Variants in WAC observed in about 807,000 individuals in gnomAD.
WAC encodes WW domain-containing adapter protein with coiled-coil.
A neutral mutation model predicts 79.6 loss-of-function variants in WAC; 11 were observed. That is an observed-to-expected ratio of 0.14 (90% confidence interval 0.09 to 0.23). The LOEUF (loss-of-function observed/expected upper bound fraction) is 0.23, where lower values mean the gene tolerates loss of function less well. WAC is among the 10% of genes least tolerant of loss of function. The pLI is 1.00. For missense variants in WAC, 728 were observed against 773.5 expected (o/e 0.94, Z 0.70); for synonymous variants, 304 against 276.9 (o/e 1.10, Z -0.97).
intron 3 of WAC, among the ~76,000 whole-genome samples, chr10:28,559,805 G>A (rs2132477701): frequency 6.6e-6 from 1 of 152,320 alleles, no homozygotes; most frequent in South Asian, 2.1e-4. Context: ...AGCGGGGAGT[G>A]AGACATGACT....
intron 3 of WAC, among the ~76,000 whole-genome samples, chr10:28,570,946 CTTTTTTTTTTT>C (rs139500035): frequency 6.0e-4 from 39 of 64,540 alleles, no homozygotes; most frequent in African/African-American, 1.9e-3. Flanking sequence ...TAAAGATATA[CTTTTTTTTTTT>C]TTTTTTTTTT....
intron 7 of WAC, among the ~76,000 whole-genome samples, chr10:28,600,833 C>T (rs1377403882): frequency 6.6e-6 from 1 of 151,504 alleles, no homozygotes; most frequent in Non-Finnish European, 1.5e-5. Flanking sequence ...ATTAAAGATA[C>T]ATAAAAAGAT....
chr10:28,576,435 A>G (rs1839249495), intron 3 of WAC, among the ~76,000 whole-genome samples: 1 of 152,240 alleles, frequency 6.6e-6, no homozygotes, highest in Non-Finnish European at 1.5e-5. Flanking sequence ...TTTGTGACAG[A>G]TATAAGGCAG....
At chr10:28,616,911 A>G (rs1265790201) in intron 12 of WAC, among the ~76,000 whole-genome samples, 2 of 152,164 alleles carry the variant, frequency 1.3e-5, no homozygotes, top group Admixed American at 6.5e-5. Context: ...GTGAAACCCC[A>G]TCTCTAACCA....
At chr10:28,609,926 C>CTTTT (rs35905966) in intron 8 of WAC, among the ~76,000 whole-genome samples, 40 of 115,666 alleles carry the variant, frequency 3.5e-4, no homozygotes, top group African/African-American at 1.2e-3. Flanking sequence ...TTCCTAAATA[C>CTTTT]TTTTTTTTTT....
intron 3 of WAC, among the ~76,000 whole-genome samples, chr10:28,551,796 G>A (rs1837686488): frequency 6.8e-6 from 1 of 147,138 alleles, no homozygotes; most frequent in African/African-American, 2.5e-5. Flanking sequence ...GTGTGTGTGT[G>A]TGTGTGTGTG....
chr10:28,548,334 T>G (rs1374155969), intron 3 of WAC, among the ~76,000 whole-genome samples: 1 of 152,206 alleles, frequency 6.6e-6, no homozygotes, highest in East Asian at 1.9e-4. Flanking sequence ...TCTTCTCTTT[T>G]ACTTGTTTCT....
intron 3 of WAC, among the ~76,000 whole-genome samples, chr10:28,573,599 C>A (rs1839091247): frequency 6.6e-6 from 1 of 152,192 alleles, no homozygotes; most frequent in Admixed American, 6.5e-5. Flanking sequence ...CTATTCAAAG[C>A]ATCCCATGGG....
intron 3 of WAC, among the ~76,000 whole-genome samples, chr10:28,565,159 C>G (rs1265596504): frequency 6.6e-6 from 1 of 152,152 alleles, no homozygotes; most frequent in Non-Finnish European, 1.5e-5. Context: ...GTTATATGTT[C>G]CTGTTTTAAC....
chr10:28,570,296 G>A (rs1201250695), intron 3 of WAC, among the ~76,000 whole-genome samples: 2 of 152,146 alleles, frequency 1.3e-5, no homozygotes, highest in South Asian at 4.1e-4. Flanking sequence ...TTTTTAGTGG[G>A]TATTACAGGT....
intron 3 of WAC, among the ~76,000 whole-genome samples, chr10:28,563,665 C>T (rs12413886): frequency 3.3e-5 from 5 of 150,086 alleles, no homozygotes; most frequent in South Asian, 4.2e-4. Context: ...CTGCAGCCTC[C>T]GCCTCCTGGG....
intron 3 of WAC, among the ~76,000 whole-genome samples, chr10:28,576,408 CTACT>C (rs1279552336): frequency 1.3e-5 from 2 of 152,138 alleles, no homozygotes; most frequent in Admixed American, 6.6e-5. Context: ...ACAAAGGAAT[CTACT>C]TAATGTCATT....
chr10:28,583,375 C>G, intron 3 of WAC, 24 bp from the exon 4 acceptor site: 3 of 1,507,168 alleles, frequency 2.0e-6, no homozygotes, highest in Non-Finnish European at 2.7e-6. Flanking sequence ...ACTTGTAATT[C>G]ACTTTGTTCT....
chr10:28,538,885 GA>G (rs966655211), intron 3 of WAC, among the ~76,000 whole-genome samples: 43 of 132,552 alleles, frequency 3.2e-4, no homozygotes, highest in African/African-American at 1.0e-3. Flanking sequence ...AAAAAAAAAA[GA>G]AAAAAATTAA....
At chr10:28,549,717 GT>G (rs1016031773) in intron 3 of WAC, among the ~76,000 whole-genome samples, 2 of 152,110 alleles carry the variant, frequency 1.3e-5, no homozygotes, top group Non-Finnish European at 2.9e-5. Flanking sequence ...CCAAAAATGA[GT>G]TTTTCTCTCC....
In WAC at chr10:28,583,510, G is replaced by C; in HGVS notation, c.381+5G>C. ...CCAAGCAAAACTTCAGATGCAGTAA[G>C]TATTATAAACATGTCCAATATGGTT... On this transcript the variant is annotated splice_donor_5th_base_variant and intron_variant, in intron 4 of 13. Transcript: ENST00000354911. 7.0e-7 allele frequency: 1 copy of C among 1,438,272 alleles called. No homozygotes were observed. The highest frequency in any genetic ancestry group is 1.3e-5 in the South Asian group (1 of 76,372). 89.1% of individuals were successfully genotyped at this position (1,438,272 alleles called of 1,614,324 possible).
intron 6 of WAC, 98 bp from the exon 7 acceptor site, chr10:28,595,635 G>T: frequency 8.4e-7 from 1 of 1,195,414 alleles, no homozygotes; most frequent in South Asian, 1.5e-5. Flanking sequence ...CAAGTATGTT[G>T]CTAAATTAGC....
chr10:28,621,101 C>A lies in WAC; in HGVS notation c.*1495C>A, dbSNP rs7074797. On this transcript the variant is annotated 3_prime_UTR_variant, in exon 14 of 14. Transcript: ENST00000354911. ...ACAAGGGTTTCCGCATGAAAAAAAT[C>A]TTTTCTTCCCCCACAAAAAAACCTT... 19 of 151,410 alleles carry A rather than the reference C, an allele frequency of 1.3e-4. No individual in the cohort carries two copies. The highest frequency in any genetic ancestry group is 4.4e-4 in the African/African-American group (18 of 41,346). 9.4% of individuals were successfully genotyped at this position (151,410 alleles called of 1,614,324 possible).
intron 13 of WAC, 142 bp from the exon 14 acceptor site, chr10:28,619,395 T>C (rs1841611316): frequency 1.6e-6 from 1 of 620,602 alleles, no homozygotes; most frequent in Non-Finnish European, 2.7e-6. Context: ...TAAACCAATT[T>C]ATAGTTAAAT....
Sources: gnomAD v4.1 joint callset for allele counts (sites outside exome capture counted in the v4.1 genomes callset) on GRCh38, gnomAD v4.1.1 for gene constraint, MANE v1.5 for transcripts, NCBI Gene and HGNC (gene_info 2026-07-23, HGNC 2026-07-21) for gene names.